IPO11: variants seen among roughly 807,000 people sequenced by gnomAD.
The protein encoded by IPO11 is importin-11.
Under a neutral mutation model 143.2 loss-of-function variants are expected in IPO11, and 66 were observed. That is an observed-to-expected ratio of 0.46 (90% CI 0.38 to 0.57). IPO11 has a LOEUF of 0.57. Among genes scored for constraint, IPO11 ranks in the 20% least tolerant of loss-of-function variants. The pLI, the probability that IPO11 is intolerant of heterozygous loss-of-function variation, is 0.00. For missense variants in IPO11, 1,026 were observed against 1,141.0 expected (o/e 0.90, Z 1.45); for synonymous variants, 385 against 377.8 (o/e 1.02, Z -0.22).
At chr5:62,586,160 A>G (rs1235959446) in intron 27 of IPO11, among the ~76,000 whole-genome samples, 2 of 152,206 alleles carry the variant, frequency 1.3e-5, no homozygotes, top group Non-Finnish European at 2.9e-5. Flanking sequence ...GGTCAACTGT[A>G]ATACATTATT....
intron 27 of IPO11, among the ~76,000 whole-genome samples, chr5:62,571,438 A>G (rs567543260): frequency 6.6e-6 from 1 of 152,354 alleles, no homozygotes; most frequent in East Asian, 1.9e-4. Flanking sequence ...TAAAATGCTT[A>G]ATGAATATGA....
chr5:62,599,326 T>C (rs959626786), intron 28 of IPO11, among the ~76,000 whole-genome samples: 1 of 152,244 alleles, frequency 6.6e-6, no homozygotes, highest in African/African-American at 2.4e-5. Context: ...ATTGCACTTA[T>C]TCTGTTCAGG....
At chr5:62,585,784 ATAG>A (rs1456128539) in intron 27 of IPO11, among the ~76,000 whole-genome samples, 2 of 152,172 alleles carry the variant, frequency 1.3e-5, no homozygotes, top group Admixed American at 1.3e-4. Context: ...CACAGTGTTA[ATAG>A]TAGGAATATA....
At chr5:62,477,636 CAA>C (rs1412168375) in intron 9 of IPO11, among the ~76,000 whole-genome samples, 1 of 152,170 alleles carries the variant, frequency 6.6e-6, no homozygotes, top group East Asian at 1.9e-4. Context: ...TGTGCTTAGT[CAA>C]AGAGGACTAT....
intron 27 of IPO11, among the ~76,000 whole-genome samples, chr5:62,571,709 AC>A (rs1201592251): frequency 6.9e-6 from 1 of 145,692 alleles, no homozygotes; most frequent in East Asian, 2.0e-4. Flanking sequence ...TTTTTTTGAG[AC>A]AGCCTTGCTC....
chr5:62,495,987 G>C (rs1477941366), intron 16 of IPO11, among the ~76,000 whole-genome samples: 1 of 151,892 alleles, frequency 6.6e-6, no homozygotes, highest in Non-Finnish European at 1.5e-5. Context: ...ACTGGTCAGA[G>C]TCTTTAAAAA....
At chr5:62,493,497 T>C (rs1168257752) in intron 15 of IPO11, among the ~76,000 whole-genome samples, 1 of 152,180 alleles carries the variant, frequency 6.6e-6, no homozygotes, top group Non-Finnish European at 1.5e-5. Context: ...ACTAAAAGTT[T>C]TAATAATATT....
intron 1 of IPO11, among the ~76,000 whole-genome samples, chr5:62,420,811 A>G (rs1430831604): frequency 1.3e-5 from 2 of 151,736 alleles, no homozygotes; most frequent in Non-Finnish European, 2.9e-5. Context: ...GAACTCCTGC[A>G]CTCTAAGTGA....
intron 8 of IPO11, among the ~76,000 whole-genome samples, chr5:62,476,306 T>G (rs1745955453): frequency 6.6e-6 from 1 of 152,196 alleles, no homozygotes; most frequent in Admixed American, 6.5e-5. Flanking sequence ...AGAATAAATT[T>G]GTCAGAAGAT....
intron 1 of IPO11, among the ~76,000 whole-genome samples, chr5:62,436,365 A>G (rs1447310132): frequency 1.3e-5 from 2 of 152,230 alleles, no homozygotes; most frequent in Admixed American, 6.5e-5. Flanking sequence ...AGAGATAGCC[A>G]CTGTCACTAA....
chr5:62,505,888 C>T (rs1161748504), intron 18 of IPO11, among the ~76,000 whole-genome samples: 1 of 151,888 alleles, frequency 6.6e-6, no homozygotes, highest in East Asian at 1.9e-4. Flanking sequence ...GTGATTGGCA[C>T]CAGGCATATA....
intron 24 of IPO11, among the ~76,000 whole-genome samples, chr5:62,545,398 G>A (rs1044352986): frequency 6.6e-6 from 1 of 152,202 alleles, no homozygotes; most frequent in African/African-American, 2.4e-5. Context: ...CTAGCCATAT[G>A]TAGAAAGCTG....
At chr5:62,584,697 A>G (rs1248289576) in intron 27 of IPO11, among the ~76,000 whole-genome samples, 1 of 147,508 alleles carries the variant, frequency 6.8e-6, no homozygotes, top group African/African-American at 2.5e-5. Flanking sequence ...TTTTTTCTAT[A>G]CTAGTGCTGT....
At chr5:62,439,397 G>A (rs1216020282) in intron 2 of IPO11, among the ~76,000 whole-genome samples, 1 of 142,300 alleles carries the variant, frequency 7.0e-6, no homozygotes, top group Non-Finnish European at 1.5e-5. Context: ...TGCCATTCTC[G>A]TGCCTCAGCC....
At position 62,542,813 on chromosome 5, in the gene IPO11, A is replaced by G. The variant is rs147974407; in HGVS notation, c.2250+5524A>G. Among the ~76,000 whole-genome samples the G allele has an allele frequency of 1.4e-3, 208 of 152,320 alleles. 2 individuals carry two copies. The highest frequency in any genetic ancestry group is 4.0e-3 in the Admixed American group (61 of 15,296). ...TTGTCAATATTACAGCCGTACTACT[A>G]TGACTTTTTGAATTCTCATTCTGGT... is the stretch of plus-strand genomic sequence containing the variant. On this transcript the variant is annotated intron_variant, in intron 24 of 29. Coordinates refer to ENST00000325324, the MANE Select transcript of IPO11 (RefSeq NM_016338.5).
chr5:62,544,069 T>C (rs1211364055), intron 24 of IPO11, among the ~76,000 whole-genome samples: 2 of 152,222 alleles, frequency 1.3e-5, no homozygotes, highest in South Asian at 2.1e-4. Flanking sequence ...CTCCAATCAA[T>C]AGAAAAAGAG....
rs1455869144 is a variant in IPO11 at position 62,467,007 on chromosome 5, C to G, written c.517-124C>G. On this transcript the variant is annotated intron_variant, in intron 5 of 29. Coordinates refer to ENST00000325324, the MANE Select transcript of IPO11 (RefSeq NM_016338.5). ...AAACATTGCCACAAATATTCTTTGA[C>G]TATTTCAGATCTCTCAGAAAATGTG... The G allele has an allele frequency of 3.5e-6, 3 of 853,830 alleles. No individual in the cohort carries two copies. The African/African-American group carries it at 5.2e-5, about 15-fold the overall frequency. The allele number at this position is 853,830 out of a possible 1,614,324, so 52.9% of individuals were successfully genotyped here. A position where few individuals can be genotyped will look rare whatever the true frequency, so the allele number is the denominator to read the frequency against.
At chr5:62,479,260 C>G (rs6449599) in intron 9 of IPO11, among the ~76,000 whole-genome samples, 1 of 152,062 alleles carries the variant, frequency 6.6e-6, no homozygotes, top group Non-Finnish European at 1.5e-5. Context: ...TACAAAAGGA[C>G]GTGAACTCAT....
chr5:62,431,068 C>A (rs1743968718), intron 1 of IPO11, among the ~76,000 whole-genome samples: 1 of 151,920 alleles, frequency 6.6e-6, no homozygotes, highest in Non-Finnish European at 1.5e-5. Context: ...CCTCCGCCTC[C>A]TGGATTCAAG....
Sources: allele counts gnomAD v4.1 joint callset (sites outside exome capture counted in the v4.1 genomes callset), GRCh38; gene constraint gnomAD v4.1.1; transcripts MANE v1.5; gene names NCBI Gene and HGNC (gene_info 2026-07-23, HGNC 2026-07-21).